Variants in ZNF569 observed in about 807,000 individuals in gnomAD.
ZNF569 encodes the protein zinc finger protein 569.
Under a neutral mutation model 56.3 loss-of-function variants are expected in ZNF569, and 38 were observed. That is an observed-to-expected ratio of 0.68 (90% CI 0.52 to 0.88). ZNF569 has a LOEUF of 0.88. ZNF569 is among the 40% of genes least tolerant of loss of function. The pLI is 0.00. For missense variants in ZNF569, 666 were observed against 809.2 expected (o/e 0.82, Z 2.15); for synonymous variants, 241 against 262.9 (o/e 0.92, Z 0.81).
chr19:37,439,259 C>A (rs180745996), intron 3 of ZNF569, among the ~76,000 whole-genome samples: 1 of 152,094 alleles, frequency 6.6e-6, no homozygotes, highest in African/African-American at 2.4e-5. Flanking sequence ...TTAGTAGAGA[C>A]GGGGTTTCAC....
In ZNF569 at chr19:37,414,008, C is replaced by T. The variant is rs370846456; in HGVS notation, c.650G>A (p.Ser217Asn). ...GTGACTGAAGGCTTTTCTACAGTTA[C>T]TACATTCATAGGGCTTCTCTCCAGT... ...IHTGEKPYEC[S>N]NCRKAFSHKE... Residue 217 changes from serine (S) to asparagine (N), a missense_variant, in exon 6 of 6, where the codon AGT becomes AAT. By Grantham distance (46) the Ser-to-Asn change is conservative. Transcript: ENST00000316950. 6.2e-7 allele frequency: 1 copy of T among 1,613,260 alleles called. No individual in the cohort carries two copies. Among genetic ancestry groups the T allele is most frequent in the Non-Finnish European group, 8.5e-7 (1 of 1,179,804 alleles).
intron 3 of ZNF569, among the ~76,000 whole-genome samples, chr19:37,434,292 T>C (rs1160138000): frequency 2.7e-5 from 4 of 145,742 alleles, no homozygotes; most frequent in Non-Finnish European, 4.5e-5. Context: ...AGAGCGAGAC[T>C]CTGTCTCAAA....
intron 3 of ZNF569, among the ~76,000 whole-genome samples, chr19:37,443,833 C>A (rs2041448711): frequency 6.6e-6 from 1 of 150,874 alleles, no homozygotes; most frequent in Non-Finnish European, 1.5e-5. Flanking sequence ...ATGGTGAAAT[C>A]CCATCTGTAC....
chr19:37,446,591 TC>T (rs2041501840), intron 2 of ZNF569, among the ~76,000 whole-genome samples: 1 of 149,158 alleles, frequency 6.7e-6, no homozygotes, highest in African/African-American at 2.5e-5. Flanking sequence ...GATCCTTATC[TC>T]TCACCTTATA....
chr19:37,461,847 T>C (rs2041761724), intron 2 of ZNF569, among the ~76,000 whole-genome samples: 1 of 152,176 alleles, frequency 6.6e-6, no homozygotes, highest in South Asian at 2.1e-4. Context: ...GAAACCAACA[T>C]TCTGGTTAAA....
chr19:37,414,059 T>G lies in ZNF569; in HGVS notation c.599A>C (p.Asp200Ala). The change falls in exon 6 of 6, where the codon GAC (aspartate) becomes GCC (alanine). Residue 200 changes from aspartate to alanine, a missense_variant. Physicochemically the swap from Asp to Ala is moderately radical, Grantham distance 126 (BLOSUM62 -2). Transcript: ENST00000316950. The part of the protein sequence containing the change: ...HCGKGFNQTL[D>A]LIRHLRIHTG... Reference sequence around the variant, plus strand: ...ATGAATTCTCAGATGTCTGATGAGGTCCAAAGTCTGATTGAAGCCTTTTCC... The same window carrying G: ...ATGAATTCTCAGATGTCTGATGAGGGCCAAAGTCTGATTGAAGCCTTTTCC... 6.2e-7 allele frequency: 1 copy of G among 1,613,660 alleles called. No individual in the cohort carries two copies. Among genetic ancestry groups the G allele is most frequent in the South Asian group, 1.1e-5 (1 of 91,068 alleles).
intron 3 of ZNF569, among the ~76,000 whole-genome samples, chr19:37,428,673 ATT>A (rs968352157): frequency 1.7e-4 from 24 of 142,708 alleles, no homozygotes; most frequent in Admixed American, 2.1e-4. Context: ...CTGTGGTTGA[ATT>A]TTTTTTTTTT....
At chr19:37,418,132 A>AATG (rs1555833790) in intron 5 of ZNF569, among the ~76,000 whole-genome samples, 41 of 148,000 alleles carry the variant, frequency 2.8e-4, no homozygotes, top group African/African-American at 9.3e-4. Context: ...TAATAATAAT[A>AATG]ATAAAATAAA....
At chr19:37,448,514 C>G (rs1280799649) in intron 2 of ZNF569, among the ~76,000 whole-genome samples, 2 of 148,990 alleles carry the variant, frequency 1.3e-5, no homozygotes, top group Non-Finnish European at 3.0e-5. Context: ...TGATTTTTCT[C>G]CATTATTTTT....
At chr19:37,440,329 T>C (rs914476179) in intron 3 of ZNF569, among the ~76,000 whole-genome samples, 1 of 152,172 alleles carries the variant, frequency 6.6e-6, no homozygotes, top group African/African-American at 2.4e-5. Flanking sequence ...TTATTGTATA[T>C]ATATGAAATA....
chr19:37,438,466 C>G (rs1162359394), intron 3 of ZNF569, among the ~76,000 whole-genome samples: 2 of 152,168 alleles, frequency 1.3e-5, no homozygotes, highest in African/African-American at 4.8e-5. Context: ...CAAATCCATA[C>G]ATCTCCAGCG....
chr19:37,436,837 C>T (rs979297571), intron 3 of ZNF569, among the ~76,000 whole-genome samples: 1 of 151,842 alleles, frequency 6.6e-6, no homozygotes. Flanking sequence ...AAAAAGTCTC[C>T]GAGCAAAGAA....
intron 5 of ZNF569, among the ~76,000 whole-genome samples, chr19:37,422,776 G>A (rs1159362256): frequency 2.0e-5 from 3 of 152,124 alleles, no homozygotes; most frequent in African/African-American, 7.2e-5. Flanking sequence ...TATGGTGCGG[G>A]GGGAATAGAA....
At position 37,466,132 on chromosome 19, in the gene ZNF569, G is replaced by A. The variant is rs546204364; in HGVS notation, c.-204-659C>T. Among the ~76,000 whole-genome samples the A allele has an allele frequency of 2.0e-5, 3 of 152,244 alleles. No homozygotes were observed. The East Asian group carries it at 5.8e-4, about 29-fold the overall frequency. On this transcript the variant is annotated intron_variant, in intron 1 of 5. Transcript: ENST00000316950. ...TGGAAAGTAAATTTTGACAGTAGTT[G>A]CATGGCCTGTAGAACTATGAATGAT...
At chr19:37,431,017 G>C (rs557600384) in intron 3 of ZNF569, among the ~76,000 whole-genome samples, 6 of 152,178 alleles carry the variant, frequency 3.9e-5, no homozygotes, top group Non-Finnish European at 7.3e-5. Flanking sequence ...CCAGTCTAGG[G>C]GAATTGTCCA....
At position 37,413,329 on chromosome 19, in the gene ZNF569, A is replaced by G; in HGVS notation, c.1329T>C (p.Cys443=). 4 of 1,606,730 alleles carry G rather than the reference A, an allele frequency of 2.5e-6. No homozygotes were observed. Among genetic ancestry groups the G allele is most frequent in the African/African-American group, 1.3e-5 (1 of 74,426 alleles). The change falls in exon 6 of 6, where the codon TGT becomes TGC. Residue 443 remains cysteine (C), a synonymous_variant. Transcript: ENST00000316950. ...TREKPYECNE[C]GKAFIQMSNL... Reference sequence around the variant, plus strand: ...TTGACATCTGTATAAAAGCTTTCCCACATTCATTACACTCATAAGGTTTCT... The same window carrying G: ...TTGACATCTGTATAAAAGCTTTCCCGCATTCATTACACTCATAAGGTTTCT...
chr19:37,460,605 T>C (rs2041742169), intron 2 of ZNF569, among the ~76,000 whole-genome samples: 1 of 151,720 alleles, frequency 6.6e-6, no homozygotes, highest in African/African-American at 2.4e-5. Context: ...AGTAAAGAGA[T>C]GAAGCTAGGC....
At position 37,412,295 on chromosome 19, in the gene ZNF569, A is replaced by G. The variant is rs187103135; in HGVS notation, c.*302T>C. The G allele has an allele frequency of 7.3e-4, 201 of 274,924 alleles. 1 individual carries two copies. Among genetic ancestry groups the G allele is most frequent in the African/African-American group, 3.5e-3 (159 of 45,768 alleles). The allele number at this position is 274,924 out of a possible 1,614,324, so 17.0% of individuals were successfully genotyped here. A position where few individuals can be genotyped will look rare whatever the true frequency, so the allele number is the denominator to read the frequency against. On this transcript the variant is annotated 3_prime_UTR_variant, in exon 6 of 6. Transcript: ENST00000316950. ...TTGATACTTGTTTTCCTTACTTAAT[A>G]CATTGGCTAGGAGCTCAAGTGTTGT...
Position 37,425,826 on chromosome 19 carries a change from G to A in ZNF569, c.238+42C>T, listed in dbSNP as rs746725471. The stretch of plus-strand genomic sequence containing the variant: ...ACCATTCACTGATTAATCATTAATA[G>A]GCCCTGACCTCTCCTCACCTGTCTG... On this transcript the variant is annotated intron_variant, in intron 5 of 5. Coordinates refer to ENST00000316950, the MANE Select transcript of ZNF569 (RefSeq NM_152484.3). The A allele has an allele frequency of 2.8e-6, 4 of 1,444,156 alleles. No individual in the cohort carries two copies. In the South Asian group the frequency reaches 4.6e-5, roughly 17 times the overall value. The allele number at this position is 1,444,156 out of a possible 1,614,324, so 89.5% of individuals were successfully genotyped here.
Sources: gnomAD v4.1 joint callset for allele counts (sites outside exome capture counted in the v4.1 genomes callset) on GRCh38, gnomAD v4.1.1 for gene constraint, MANE v1.5 for transcripts, NCBI Gene and HGNC (gene_info 2026-07-23, HGNC 2026-07-21) for gene names.